Variants in CLASP2 observed in about 807,000 individuals in gnomAD.
CLASP2 encodes the protein CLIP-associating protein 2.
Under a neutral mutation model 194.4 loss-of-function variants are expected in CLASP2, and 47 were observed. The observed-to-expected ratio is 0.24, with a 90% CI of 0.19 to 0.31. The LOEUF is 0.31. Among genes scored for constraint, CLASP2 ranks in the 10% least tolerant of loss-of-function variants. The pLI is 1.00. For synonymous variants in CLASP2, 619 were observed against 633.5 expected (o/e 0.98, Z 0.34); for missense variants, 1,445 against 1,823.6 (o/e 0.79, Z 3.78).
chr3:33,547,134 G>A (rs2059269878), intron 30 of CLASP2, among the ~76,000 whole-genome samples: 1 of 152,152 alleles, frequency 6.6e-6, no homozygotes, highest in South Asian at 2.1e-4. Context: ...GTTTGGCTCT[G>A]TGTCCCCACA....
intron 18 of CLASP2, 113 bp from the exon 19 acceptor site, chr3:33,596,847 C>T (rs1195334165): frequency 2.8e-5 from 22 of 779,190 alleles, no homozygotes; most frequent in Middle Eastern, 3.6e-4. Flanking sequence ...ATAGTACAGA[C>T]GTATATATCA....
chr3:33,548,492 T>G (rs2154155141), intron 30 of CLASP2, among the ~76,000 whole-genome samples: 1 of 152,036 alleles, frequency 6.6e-6, no homozygotes, highest in Admixed American at 6.6e-5. Context: ...AGAGACAGGG[T>G]TTCACCATGT....
rs1325366172 is a variant in CLASP2 at position 33,675,773 on chromosome 3, A to C, written c.644+8586T>G. Among the ~76,000 whole-genome samples the C allele has an allele frequency of 1.7e-4, 24 of 142,178 alleles. 5 individuals are homozygous for C. The highest frequency in any genetic ancestry group is 1.3e-3 in the Admixed American group (17 of 12,884). The allele number at this position is 142,178 out of a possible 152,430, so 93.3% of individuals were successfully genotyped here. On this transcript the variant is annotated intron_variant, in intron 6 of 38. Transcript: ENST00000682230. ...ACAAAATCAATGTACAAAAATCACA[A>C]GCATTCTTATATACCAATAACAGAC... is the stretch of plus-strand genomic sequence containing the variant.
intron 6 of CLASP2, among the ~76,000 whole-genome samples, chr3:33,673,092 C>G (rs191081972): frequency 6.6e-6 from 1 of 152,066 alleles, no homozygotes; most frequent in Non-Finnish European, 1.5e-5. Context: ...ATACAGAGAA[C>G]GCTACAAAGA....
At chr3:33,649,098 A>G (rs1315168612) in intron 7 of CLASP2, among the ~76,000 whole-genome samples, 2 of 144,970 alleles carry the variant, frequency 1.4e-5, no homozygotes, top group African/African-American at 5.0e-5. Flanking sequence ...CCTCCCTTCT[A>G]TGATTCAATG....
chr3:33,497,881 T>C lies in CLASP2; in HGVS notation c.*750A>G, dbSNP rs114867165. The C allele has an allele frequency of 1.3e-4, 20 of 152,706 alleles. No homozygotes were observed. The highest frequency in any genetic ancestry group is 4.8e-4 in the African/African-American group (20 of 41,564). 9.5% of individuals were successfully genotyped at this position (152,706 alleles called of 1,614,324 possible). ...ATAAACCCTGCAATAAAACCTTCTATTTCAGTAAGTATCAAGAAAAAACAG... is the reference window on the plus strand; with the variant it reads ...ATAAACCCTGCAATAAAACCTTCTACTTCAGTAAGTATCAAGAAAAAACAG... On this transcript the variant is annotated 3_prime_UTR_variant, in exon 39 of 39. Transcript: ENST00000682230.
At chr3:33,508,978 A>G (rs2049035148) in intron 37 of CLASP2, among the ~76,000 whole-genome samples, 1 of 152,146 alleles carries the variant, frequency 6.6e-6, no homozygotes, top group South Asian at 2.1e-4. Flanking sequence ...GGACTCAGTC[A>G]TTTTCCCAAA....
rs78505056 is a variant in CLASP2, at chr3:33,524,240, G to A, written c.3788-7066C>T. Reference sequence around the variant, plus strand: ...TGGTATATCAATAGTAATAGTAATAGGTATATCAATAATAGTAAAACTATT... The same window carrying A: ...TGGTATATCAATAGTAATAGTAATAAGTATATCAATAATAGTAAAACTATT... On this transcript the variant is annotated intron_variant, in intron 34 of 38. Transcript: ENST00000682230. 9.2e-4 allele frequency among the ~76,000 whole-genome samples: 140 copies of A among 151,968 alleles called. No individual in the cohort carries two copies. The East Asian group carries it at 0.025, about 27-fold the overall frequency.
At chr3:33,586,080 A>C (rs1293190629) in intron 21 of CLASP2, among the ~76,000 whole-genome samples, 1 of 152,118 alleles carries the variant, frequency 6.6e-6, no homozygotes, top group East Asian at 1.9e-4. Flanking sequence ...TAGAAGTCCC[A>C]AGGGTAGAAG....
At chr3:33,697,549 T>C (rs1246668315) in intron 1 of CLASP2, among the ~76,000 whole-genome samples, 1 of 152,234 alleles carries the variant, frequency 6.6e-6, no homozygotes, top group Non-Finnish European at 1.5e-5. Flanking sequence ...CCATTGTATA[T>C]ACAGTCCATC....
intron 8 of CLASP2, among the ~76,000 whole-genome samples, chr3:33,635,255 G>A (rs2079919632): frequency 6.6e-6 from 1 of 151,636 alleles, no homozygotes; most frequent in Admixed American, 6.6e-5. Flanking sequence ...GACAGAGCGA[G>A]ACTCTGTCTC....
At chr3:33,596,983 G>C (rs1173312177) in intron 18 of CLASP2, among the ~76,000 whole-genome samples, 1 of 152,188 alleles carries the variant, frequency 6.6e-6, no homozygotes, top group Admixed American at 6.5e-5. Flanking sequence ...CCTAAAAAGA[G>C]AAAAGTTAGT....
intron 22 of CLASP2, among the ~76,000 whole-genome samples, chr3:33,584,029 G>A (rs2066762198): frequency 6.6e-6 from 1 of 152,122 alleles, no homozygotes. Flanking sequence ...TAATGTTTAA[G>A]CTGGCTTCAT....
At chr3:33,621,743 T>C (rs1044379015) in intron 11 of CLASP2, among the ~76,000 whole-genome samples, 3 of 152,166 alleles carry the variant, frequency 2.0e-5, no homozygotes, top group Non-Finnish European at 4.4e-5. Context: ...TAGGTTTTGC[T>C]AAGTTAATGA....
At chr3:33,661,014 A>G (rs916813382) in intron 7 of CLASP2, among the ~76,000 whole-genome samples, 1 of 152,228 alleles carries the variant, frequency 6.6e-6, no homozygotes, top group Non-Finnish European at 1.5e-5. Context: ...ATTTGTTTTC[A>G]GTATTCAATT....
chr3:33,603,653 C>T (rs1167656569), intron 17 of CLASP2, among the ~76,000 whole-genome samples: 5 of 152,014 alleles, frequency 3.3e-5, no homozygotes, highest in Non-Finnish European at 4.4e-5. Context: ...GACAAAGTCT[C>T]GCTCTGTCAC....
At chr3:33,603,795 G>A (rs1337160895) in intron 17 of CLASP2, among the ~76,000 whole-genome samples, 7 of 152,026 alleles carry the variant, frequency 4.6e-5, no homozygotes, top group African/African-American at 1.7e-4. Context: ...GCTAATTTTT[G>A]TATTTTTAGT....
At chr3:33,523,848 G>A (rs2053807181) in intron 34 of CLASP2, among the ~76,000 whole-genome samples, 1 of 152,036 alleles carries the variant, frequency 6.6e-6, no homozygotes, top group South Asian at 2.1e-4. Flanking sequence ...AAAGCACAGA[G>A]TTTTTGTATG....
chr3:33,538,883 C>T lies in CLASP2; in HGVS notation c.3464G>A (p.Gly1155Asp). 2 of 1,606,774 alleles carry T rather than the reference C, an allele frequency of 1.2e-6. No individual in the cohort carries two copies. The highest frequency in any genetic ancestry group is 1.7e-6 in the Non-Finnish European group (2 of 1,176,484). Reference protein sequence around the residue: ...NSEDIYSSLRGVTEAIQNFSF... With the variant: ...NSEDIYSSLRDVTEAIQNFSF... Reference sequence around the variant, plus strand: ...GAAATTCTGGATTGCTTCAGTGACACCTCTAAGAGAGCTATAAATATCTTC... The same window carrying T: ...GAAATTCTGGATTGCTTCAGTGACATCTCTAAGAGAGCTATAAATATCTTC... Residue 1155 changes from glycine (G) to aspartate (D), a missense_variant, in exon 33 of 39, where the codon GGT becomes GAT. Physicochemically the swap from Gly to Asp is moderately conservative, Grantham distance 94. Around this residue, in one of 4 missense-constraint regions of CLASP2, gnomAD observed 732 missense variants for 987.9 expected, o/e 0.74. Coordinates refer to ENST00000682230, the MANE Select transcript of CLASP2 (RefSeq NM_001365631.1).
Sources: allele counts gnomAD v4.1 joint callset (sites outside exome capture counted in the v4.1 genomes callset), GRCh38; gene constraint gnomAD v4.1.1; regional missense constraint gnomAD v4.1.1; transcripts MANE v1.5; gene names NCBI Gene and HGNC (gene_info 2026-07-23, HGNC 2026-07-21).